The following OLFM3 variants were observed in gnomAD, a reference collection of about 807,000 sequenced individuals.
The protein encoded by OLFM3 is olfactomedin 3, also known as noelin-3.
In OLFM3, 20 loss-of-function variants were observed where a neutral mutation model predicts 48.6. That is an observed-to-expected ratio of 0.41 (90% CI 0.29 to 0.60). The LOEUF is 0.60. Ranked by LOEUF, OLFM3 falls within the 20% of genes least tolerant of loss-of-function variation. The pLI, the probability that OLFM3 is intolerant of heterozygous loss-of-function variation, is 0.28. For synonymous variants in OLFM3, 222 were observed against 198.1 expected (o/e 1.12, Z -1.01); for missense variants, 437 against 544.3 (o/e 0.80, Z 1.96).
intron 1 of OLFM3, among the ~76,000 whole-genome samples, 180 bp from the exon 2 acceptor site, chr1:101,837,205 C>A (rs185032833): frequency 2.3e-4 from 35 of 152,208 alleles, no homozygotes; most frequent in African/African-American, 7.9e-4. Flanking sequence ...ATTCAGTATA[C>A]CCTCCTTATC....
chr1:101,808,847 T>A (rs1336800869), intron 4 of OLFM3, among the ~76,000 whole-genome samples: 1 of 151,770 alleles, frequency 6.6e-6, no homozygotes, highest in Non-Finnish European at 1.5e-5. Context: ...GATGTAAATG[T>A]TCAGAAAAAC....
At chr1:101,856,833 A>G (rs879440725) in intron 1 of OLFM3, among the ~76,000 whole-genome samples, 2 of 152,026 alleles carry the variant, frequency 1.3e-5, no homozygotes, top group African/African-American at 4.8e-5. Context: ...GTAACAGAAT[A>G]CAAGTGATTA....
chr1:101,953,110 T>G (rs574813294), intron 1 of OLFM3, among the ~76,000 whole-genome samples: 1 of 152,270 alleles, frequency 6.6e-6, no homozygotes, highest in South Asian at 2.1e-4. Context: ...AATGAAACAT[T>G]GAAATGATAG....
intron 1 of OLFM3, among the ~76,000 whole-genome samples, chr1:101,968,569 C>T (rs1463029859): frequency 6.7e-6 from 1 of 148,934 alleles, no homozygotes; most frequent in Non-Finnish European, 1.5e-5. Context: ...GTACCCCTTC[C>T]TCATGTATCC....
At chr1:101,914,816 A>C (rs1658870921) in intron 1 of OLFM3, among the ~76,000 whole-genome samples, 1 of 152,230 alleles carries the variant, frequency 6.6e-6, no homozygotes, top group African/African-American at 2.4e-5. Context: ...AGTTAAATAC[A>C]TGCATACTCA....
chr1:101,969,613 A>G (rs17125886), intron 1 of OLFM3, among the ~76,000 whole-genome samples: 4,133 of 152,282 alleles, frequency 0.027, 72 homozygotes, highest in Admixed American at 0.035. Flanking sequence ...ATAATATGTA[A>G]CCAACTCCAA....
chr1:101,898,550 A>C (rs922934792), intron 1 of OLFM3, among the ~76,000 whole-genome samples: 1 of 152,128 alleles, frequency 6.6e-6, no homozygotes, highest in Admixed American at 6.5e-5. Context: ...TTCCCATAAA[A>C]TAAAAAATAG....
intron 1 of OLFM3, among the ~76,000 whole-genome samples, chr1:101,867,240 C>G (rs932740612): frequency 1.3e-5 from 2 of 152,194 alleles, no homozygotes; most frequent in African/African-American, 4.8e-5. Context: ...ATTTACTTAT[C>G]AAATCTGGAG....
At chr1:101,876,564 A>G (rs553861090) in intron 1 of OLFM3, among the ~76,000 whole-genome samples, 1 of 152,152 alleles carries the variant, frequency 6.6e-6, no homozygotes, top group East Asian at 1.9e-4. Flanking sequence ...TTTGTTTTAG[A>G]ATAAAAACAA....
rs574589680 is a variant in OLFM3 at position 101,922,894 on chromosome 1, G to C, written c.69+73854C>G. The stretch of plus-strand genomic sequence containing the variant: ...CTAACATATTTAGAGTTTATGATGA[G>C]GGGAGTACTGTACTAAGCAGCTGAC... On this transcript the variant is annotated intron_variant, in intron 1 of 5. Coordinates refer to ENST00000370103, the MANE Select transcript of OLFM3 (RefSeq NM_058170.4). Among the ~76,000 whole-genome samples the C allele has an allele frequency of 3.3e-5, 5 of 152,314 alleles. 1 individual carries two copies. The South Asian group carries it at 1.0e-3, about 32-fold the overall frequency.
At chr1:101,984,247 C>CA (rs11313941) in intron 1 of OLFM3, among the ~76,000 whole-genome samples, 6,150 of 89,530 alleles carry the variant, frequency 0.069, 259 homozygotes, top group African/African-American at 0.15. Flanking sequence ...GACTCTGTCT[C>CA]AAAAAAAAAA....
intron 3 of OLFM3, among the ~76,000 whole-genome samples, chr1:101,829,873 T>A (rs997935412): frequency 1.3e-5 from 2 of 151,978 alleles, no homozygotes; most frequent in Non-Finnish European, 2.9e-5. Flanking sequence ...CTCTCTCTGT[T>A]GCCCAGGCTG....
At chr1:101,860,551 C>G (rs11164318) in intron 1 of OLFM3, among the ~76,000 whole-genome samples, 10 of 151,668 alleles carry the variant, frequency 6.6e-5, no homozygotes, top group African/African-American at 2.4e-4. Context: ...TTGAGGAGTC[C>G]GCCCCATAAA....
intron 1 of OLFM3, among the ~76,000 whole-genome samples, chr1:101,915,362 G>A (rs1302039312): frequency 6.8e-6 from 1 of 146,438 alleles, no homozygotes; most frequent in African/African-American, 2.6e-5. Context: ...GATTTAATCT[G>A]TTAAAAAAAA....
At chr1:101,883,292 C>T (rs553921295) in intron 1 of OLFM3, among the ~76,000 whole-genome samples, 223 of 149,226 alleles carry the variant, frequency 1.5e-3, no homozygotes, top group African/African-American at 5.1e-3. Context: ...TATATATATA[C>T]TATATATAAT....
rs1557689679 is a variant in OLFM3 at position 101,825,155 on chromosome 1, C to T, written c.463G>A (p.Glu155Lys). ...TDAKLITQFK[E>K]EIRNLSAVLT... ...ACAGCAGACAGATTCCTTATTTCCT[C>T]CTTGAACTGGGTGATTAACTTAGCA... Residue 155 changes from glutamate (E) to lysine (K), a missense_variant, in exon 4 of 6, where the codon GAG becomes AAG. Coordinates refer to ENST00000370103, the MANE Select transcript of OLFM3 (RefSeq NM_058170.4). 1 of 1,614,102 alleles carries T rather than the reference C, an allele frequency of 6.2e-7. No homozygotes were observed. The highest frequency in any genetic ancestry group is 8.5e-7 in the Non-Finnish European group (1 of 1,179,974).
intron 1 of OLFM3, among the ~76,000 whole-genome samples, chr1:101,977,275 T>C (rs1305926033): frequency 1.3e-5 from 2 of 152,194 alleles, no homozygotes; most frequent in East Asian, 3.8e-4. Context: ...AAAATGGTCA[T>C]TTTAAATTAA....
intron 1 of OLFM3, among the ~76,000 whole-genome samples, chr1:101,866,448 C>CT (rs1429994859): frequency 1.3e-5 from 2 of 151,980 alleles, no homozygotes; most frequent in East Asian, 1.9e-4. Context: ...AATGCCACAT[C>CT]TTTTTTTAGC....
At chr1:101,979,977 AAGG>A (rs1661063207) in intron 1 of OLFM3, among the ~76,000 whole-genome samples, 1 of 152,138 alleles carries the variant, frequency 6.6e-6, no homozygotes. Context: ...CAGGGAGTCA[AAGG>A]AGATTATTTT....
Sources: allele counts gnomAD v4.1 joint callset (sites outside exome capture counted in the v4.1 genomes callset), GRCh38; gene constraint gnomAD v4.1.1; transcripts MANE v1.5; gene names NCBI Gene and HGNC (gene_info 2026-07-23, HGNC 2026-07-21).